Variants in ASB7 observed in about 807,000 individuals in gnomAD.
ASB7 encodes ankyrin repeat and SOCS box containing 7.
In ASB7, 4 loss-of-function variants were observed where a neutral mutation model predicts 32.5. The observed-to-expected ratio is 0.12, with a 90% CI of 0.06 to 0.28. The LOEUF (loss-of-function observed/expected upper bound fraction) is 0.28. Among genes scored for constraint, ASB7 ranks in the 10% least tolerant of loss-of-function variants. The pLI, the probability that ASB7 is intolerant of heterozygous loss-of-function variation, is 1.00. For missense variants in ASB7, 181 were observed against 407.1 expected (o/e 0.44, Z 4.78); for synonymous variants, 172 against 155.6 (o/e 1.11, Z -0.78).
chr15:100,607,012 G>T (rs1468521115), intron 2 of ASB7, among the ~76,000 whole-genome samples: 2 of 152,090 alleles, frequency 1.3e-5, no homozygotes, highest in African/African-American at 4.8e-5. Context: ...AATTAGCCGG[G>T]TGTGGTGGCA....
intron 4 of ASB7, among the ~76,000 whole-genome samples, chr15:100,612,771 A>C (rs2039708063): frequency 6.6e-6 from 1 of 152,196 alleles, no homozygotes; most frequent in African/African-American, 2.4e-5. Context: ...GAATTGCACA[A>C]GTTTCCCCTG....
intron 2 of ASB7, among the ~76,000 whole-genome samples, chr15:100,606,921 G>A (rs1276647537): frequency 4.6e-5 from 7 of 152,110 alleles, no homozygotes; most frequent in Admixed American, 2.6e-4. Context: ...TTGGGAGGCC[G>A]AGGCGGGCGG....
intron 4 of ASB7, among the ~76,000 whole-genome samples, chr15:100,622,876 A>C (rs1230798168): frequency 6.6e-6 from 1 of 152,254 alleles, no homozygotes; most frequent in Non-Finnish European, 1.5e-5. Context: ...TGCTTTAGGC[A>C]GAGATTTTAT....
At chr15:100,622,200 C>CAAAAAGAAAAAAGAAAAAAGA (rs144104570) in intron 4 of ASB7, among the ~76,000 whole-genome samples, 22 of 148,532 alleles carry the variant, frequency 1.5e-4, no homozygotes, top group African/African-American at 4.0e-4. Context: ...ATAATAGCTA[C>CAAAAAGAAAAAAGAAAAAAGA]AAAAAGAAAA....
chr15:100,631,323 G>A (rs1317159546), intron 5 of ASB7, among the ~76,000 whole-genome samples: 2 of 152,162 alleles, frequency 1.3e-5, no homozygotes, highest in African/African-American at 4.8e-5. Flanking sequence ...ATTTAATTGC[G>A]ATTTAAGTTT....
At chr15:100,626,785 A>G (rs1196865180) in intron 4 of ASB7, among the ~76,000 whole-genome samples, 1 of 152,220 alleles carries the variant, frequency 6.6e-6, no homozygotes, top group Non-Finnish European at 1.5e-5. Context: ...AATACAAAAG[A>G]GTGAACTGTC....
At chr15:100,621,448 A>T (rs187910220) in intron 4 of ASB7, among the ~76,000 whole-genome samples, 8 of 152,330 alleles carry the variant, frequency 5.3e-5, no homozygotes, top group Admixed American at 3.9e-4. Context: ...ATAATTTTTT[A>T]AAAATGTGTA....
At chr15:100,622,851 A>G (rs2039805688) in intron 4 of ASB7, among the ~76,000 whole-genome samples, 1 of 152,220 alleles carries the variant, frequency 6.6e-6, no homozygotes, top group African/African-American at 2.4e-5. Flanking sequence ...AAACAGGAAA[A>G]ACACTTCAGG....
intron 3 of ASB7, among the ~76,000 whole-genome samples, chr15:100,611,819 CTTT>C (rs11350952): frequency 1.8e-4 from 20 of 112,880 alleles, no homozygotes; most frequent in Admixed American, 2.0e-4. Context: ...TATATTGCTA[CTTT>C]TTTTTTTTTT....
intron 4 of ASB7, among the ~76,000 whole-genome samples, chr15:100,617,684 C>G (rs2039755330): frequency 6.6e-6 from 1 of 152,100 alleles, no homozygotes; most frequent in Admixed American, 6.5e-5. Context: ...ATTATTGTTC[C>G]CTGTACTTTT....
chr15:100,634,855 G>A (rs1194809167), intron 5 of ASB7, among the ~76,000 whole-genome samples: 1 of 152,134 alleles, frequency 6.6e-6, no homozygotes, highest in Non-Finnish European at 1.5e-5. Context: ...TGTGCAAATG[G>A]TATGGAAATT....
intron 4 of ASB7, among the ~76,000 whole-genome samples, chr15:100,618,672 G>T (rs560172522): frequency 6.6e-6 from 1 of 152,020 alleles, no homozygotes; most frequent in South Asian, 2.1e-4. Context: ...GAAAGAACAA[G>T]AATTCATATA....
At chr15:100,620,995 G>C (rs971266142) in intron 4 of ASB7, among the ~76,000 whole-genome samples, 1 of 152,008 alleles carries the variant, frequency 6.6e-6, no homozygotes. Flanking sequence ...GAGATAGGGG[G>C]GTAATCAAAG....
chr15:100,628,920 C>T (rs2039862992), intron 4 of ASB7, among the ~76,000 whole-genome samples: 1 of 152,186 alleles, frequency 6.6e-6, no homozygotes, highest in Non-Finnish European at 1.5e-5. Flanking sequence ...GGAATTTTTA[C>T]AGACCACAGA....
Position 100,615,917 on chromosome 15 carries a change from A to G in ASB7, c.211+3490A>G, listed in dbSNP as rs1424322275. Among the ~76,000 whole-genome samples the G allele has an allele frequency of 3.9e-5, 6 of 152,368 alleles. No homozygotes were observed. The Middle Eastern group carries it at 0.01, about 259-fold the overall frequency. On this transcript the variant is annotated intron_variant, in intron 4 of 5. Transcript: ENST00000332783. ...TGTAAGTTTTCATTTTTCTGCTACT[A>G]GAAACATTACAGAGAATGTCCTTGA...
intron 2 of ASB7, among the ~76,000 whole-genome samples, chr15:100,605,015 G>A (rs1444455806): frequency 6.6e-6 from 1 of 152,182 alleles, no homozygotes; most frequent in African/African-American, 2.4e-5. Flanking sequence ...CACCTGAGAT[G>A]GTAAAGGGAA....
chr15:100,645,831 C>T (rs2039993832), intron 5 of ASB7: 10 of 1,223,130 alleles, frequency 8.2e-6, no homozygotes, highest in Middle Eastern at 2.7e-4. Context: ...CGACATCCCA[C>T]ACGCTAATTT....
At chr15:100,615,739 C>T (rs2039738024) in intron 4 of ASB7, among the ~76,000 whole-genome samples, 2 of 152,152 alleles carry the variant, frequency 1.3e-5, no homozygotes, top group Non-Finnish European at 2.9e-5. Context: ...CGTTTTCTAC[C>T]TTGTAGCCAG....
intron 5 of ASB7, among the ~76,000 whole-genome samples, chr15:100,632,104 A>G (rs1192414702): frequency 6.6e-6 from 1 of 152,240 alleles, no homozygotes; most frequent in Non-Finnish European, 1.5e-5. Flanking sequence ...GACAGCAGGA[A>G]TGTTGAGTTA....
Sources: allele counts gnomAD v4.1 joint callset (sites outside exome capture counted in the v4.1 genomes callset), GRCh38; gene constraint gnomAD v4.1.1; transcripts MANE v1.5; gene names NCBI Gene and HGNC (gene_info 2026-07-23, HGNC 2026-07-21).